Variants in GAS7 observed in about 807,000 individuals in gnomAD.
The protein encoded by GAS7 is growth arrest specific 7, also known as growth arrest-specific protein 7.
Under a neutral mutation model 71.1 loss-of-function variants are expected in GAS7, and 28 were observed. That is an observed-to-expected ratio of 0.39 (90% CI 0.29 to 0.54). The LOEUF (loss-of-function observed/expected upper bound fraction) is 0.54. Ranked by LOEUF, GAS7 falls within the 20% of genes least tolerant of loss-of-function variation. The probability of loss-of-function intolerance (pLI) is 0.62; values close to 1 mark genes in which losing one functional copy is unlikely to be tolerated. For missense variants in GAS7, 436 were observed against 627.8 expected (o/e 0.69, Z 3.27); for synonymous variants, 258 against 245.8 (o/e 1.05, Z -0.46).
chr17:9,978,728 T>C (rs2070299232), intron 3 of GAS7, among the ~76,000 whole-genome samples: 1 of 152,100 alleles, frequency 6.6e-6, no homozygotes, highest in Non-Finnish European at 1.5e-5. Flanking sequence ...ACTTCCAAGA[T>C]ATTAATATGT....
chr17:10,097,152 G>T (rs1180791018), intron 1 of GAS7, among the ~76,000 whole-genome samples: 1 of 152,100 alleles, frequency 6.6e-6, no homozygotes, highest in Non-Finnish European at 1.5e-5. Flanking sequence ...CCTCTGTAAG[G>T]CCTCCTCACC....
chr17:10,110,575 C>G (rs34441071), intron 1 of GAS7, among the ~76,000 whole-genome samples: 1 of 152,096 alleles, frequency 6.6e-6, no homozygotes, highest in Admixed American at 6.5e-5. Flanking sequence ...AACCAATTCT[C>G]CTGTCTAAGC....
intron 1 of GAS7, among the ~76,000 whole-genome samples, chr17:10,187,294 C>T (rs2074462739): frequency 6.6e-6 from 1 of 152,154 alleles, no homozygotes; most frequent in Non-Finnish European, 1.5e-5. Context: ...AATAGACTTA[C>T]AACATGAGCA....
chr17:10,034,126 C>T lies in GAS7; in HGVS notation c.184-14229G>A. The T allele has an allele frequency of 1.0e-6, 1 of 985,244 alleles. No homozygotes were observed. Among genetic ancestry groups the T allele is most frequent in the Non-Finnish European group, 1.2e-6 (1 of 829,814 alleles). The allele number at this position is 985,244 out of a possible 1,614,324, so 61.0% of individuals were successfully genotyped here. A position where few individuals can be genotyped will look rare whatever the true frequency, so the allele number is the denominator to read the frequency against. ...TGAGACCTACCACTGCTCTGTGCCA[C>T]CGTGCGAAGAACACAGGATGGGAAT... On this transcript the variant is annotated intron_variant, in intron 1 of 13. Coordinates refer to ENST00000432992, the MANE Select transcript of GAS7 (RefSeq NM_201433.2). This position sits in a 1 kb window ranked among gnomAD's most constrained non-coding sequence, Gnocchi z 4.4.
At chr17:10,065,666 T>C (rs963948015) in intron 1 of GAS7, among the ~76,000 whole-genome samples, 7 of 152,248 alleles carry the variant, frequency 4.6e-5, no homozygotes, top group East Asian at 1.9e-4. Context: ...CTTAACGTCA[T>C]TGTACCTGCA....
intron 1 of GAS7, among the ~76,000 whole-genome samples, chr17:10,107,745 A>G (rs12452138): frequency 0.39 from 57,931 of 148,422 alleles, 11,778 homozygotes; most frequent in African/African-American, 0.52. Flanking sequence ...CACACAGTCC[A>G]CTGGTGGTGA....
intron 1 of GAS7, among the ~76,000 whole-genome samples, chr17:10,145,208 T>C (rs533796035): frequency 3.3e-5 from 5 of 152,224 alleles, no homozygotes; most frequent in South Asian, 4.1e-4. Context: ...GGGCAGGTAC[T>C]GCTAAGGAAA....
intron 2 of GAS7, among the ~76,000 whole-genome samples, chr17:10,002,169 G>A (rs2071293347): frequency 6.6e-6 from 1 of 152,202 alleles, no homozygotes; most frequent in African/African-American, 2.4e-5. Flanking sequence ...TTACAGTTCT[G>A]GAAGCCAGAA....
At chr17:10,180,151 G>A (rs2074403235) in intron 1 of GAS7, among the ~76,000 whole-genome samples, 1 of 151,980 alleles carries the variant, frequency 6.6e-6, no homozygotes, top group African/African-American at 2.4e-5. Flanking sequence ...GACCAGACTG[G>A]CCAACGTGAG....
At position 10,036,676 on chromosome 17, in the gene GAS7, C is replaced by CGA; in HGVS notation, c.184-16780_184-16779insTC. The CGA allele has an allele frequency of 3.0e-6, 4 of 1,328,904 alleles. No homozygotes were observed. The Middle Eastern group carries it at 8.5e-4, about 284-fold the overall frequency. 82.3% of individuals were successfully genotyped at this position (1,328,904 alleles called of 1,614,324 possible). A position where few individuals can be genotyped will look rare whatever the true frequency, so the allele number is the denominator to read the frequency against. ...AAAGAACCCACTACATTGCATAGTT[C>CGA]CTTCCAAATCCGCTCCAGTGCTTGC... On this transcript the variant is annotated intron_variant, in intron 1 of 13. Coordinates refer to ENST00000432992, the MANE Select transcript of GAS7 (RefSeq NM_201433.2).
chr17:10,152,922 G>A (rs1215617971), intron 1 of GAS7, among the ~76,000 whole-genome samples: 4 of 151,770 alleles, frequency 2.6e-5, no homozygotes, highest in Non-Finnish European at 5.9e-5. Flanking sequence ...ACCTGGCTGG[G>A]CACAGTGGCT....
chr17:10,174,508 T>C (rs1210010533), intron 1 of GAS7, among the ~76,000 whole-genome samples: 1 of 151,718 alleles, frequency 6.6e-6, no homozygotes, highest in Non-Finnish European at 1.5e-5. Flanking sequence ...CTGGCTAACA[T>C]GGTGAAACCC....
At chr17:9,947,458 A>C (rs2068829672) in intron 5 of GAS7, among the ~76,000 whole-genome samples, 2 of 152,150 alleles carry the variant, frequency 1.3e-5, no homozygotes, top group Admixed American at 6.5e-5. Context: ...TTTAATTAGG[A>C]AAGCGGCCGG....
chr17:9,920,010 T>TGTGTG (rs1167700394), intron 11 of GAS7, among the ~76,000 whole-genome samples: 3 of 145,494 alleles, frequency 2.1e-5, no homozygotes, highest in Non-Finnish European at 3.0e-5. Context: ...TGTGTGTGTG[T>TGTGTG]GTGTGTCTAG....
chr17:9,927,290 T>TATACAC (rs1375370401), intron 9 of GAS7, among the ~76,000 whole-genome samples: 1 of 116,890 alleles, frequency 8.6e-6, no homozygotes, highest in African/African-American at 3.3e-5. Context: ...CTCTACTACA[T>TATACAC]ACACACACAC....
chr17:10,179,284 G>C (rs1182308242), intron 1 of GAS7, among the ~76,000 whole-genome samples: 1 of 151,676 alleles, frequency 6.6e-6, no homozygotes, highest in Non-Finnish European at 1.5e-5. Context: ...AGCCGAGATC[G>C]ATCGTTCCAT....
In GAS7 at chr17:9,981,970, G is replaced by A. The variant is rs2070428014; in HGVS notation, c.305-86C>T. 2.5e-6 allele frequency: 2 copies of A among 792,028 alleles called. No homozygotes were observed. Among genetic ancestry groups the A allele is most frequent in the African/African-American group, 1.7e-5 (1 of 58,920 alleles). 49.1% of individuals were successfully genotyped at this position (792,028 alleles called of 1,614,324 possible). A position where few individuals can be genotyped will look rare whatever the true frequency, so the allele number is the denominator to read the frequency against. On this transcript the variant is annotated intron_variant, in intron 2 of 13. Coordinates refer to ENST00000432992, the MANE Select transcript of GAS7 (RefSeq NM_201433.2). This position sits in a 1 kb window ranked among gnomAD's most constrained non-coding sequence, Gnocchi z 4.4. ...CACAGAGCAGAAGGAGATGCTCAGA[G>A]CTGGAGAAAAAGAGAGACAGCCAAT...
intron 2 of GAS7, among the ~76,000 whole-genome samples, chr17:9,996,011 G>C (rs1259387478): frequency 6.6e-6 from 1 of 152,200 alleles, no homozygotes; most frequent in Non-Finnish European, 1.5e-5. Flanking sequence ...GCTTGTATAT[G>C]CAAGGCAAAT....
chr17:10,189,917 C>A (rs1163774075), intron 1 of GAS7, among the ~76,000 whole-genome samples: 2 of 149,108 alleles, frequency 1.3e-5, no homozygotes, highest in African/African-American at 5.0e-5. Flanking sequence ...TCAGCCTGGG[C>A]AACAGAGCAA....
Sources: allele counts gnomAD v4.1 joint callset (sites outside exome capture counted in the v4.1 genomes callset), GRCh38; gene constraint gnomAD v4.1.1; non-coding constraint Gnocchi (gnomAD v3.1); transcripts MANE v1.5; gene names NCBI Gene and HGNC (gene_info 2026-07-23, HGNC 2026-07-21).